BPI: variants seen among roughly 807,000 people sequenced by gnomAD.
The protein encoded by BPI is bactericidal permeability increasing protein, also known as bactericidal permeability-increasing protein.
BPI carries 48 observed loss-of-function variants against 57.6 expected under a neutral mutation model. The observed-to-expected ratio is 0.83, with a 90% CI of 0.66 to 1.06. The LOEUF (loss-of-function observed/expected upper bound fraction) is 1.06, where lower values mean the gene tolerates loss of function less well. Ranked by LOEUF, BPI falls within the 50% of genes least tolerant of loss-of-function variation. The probability of loss-of-function intolerance (pLI) is 0.00; values close to 1 mark genes in which losing one functional copy is unlikely to be tolerated. For missense variants in BPI, 651 were observed against 609.7 expected, an observed-to-expected ratio of 1.07 and a Z score of -0.71; for synonymous variants, 237 against 238.2, an observed-to-expected ratio of 0.99 and a Z score of 0.05.
intron 8 of BPI, 74 bp from the exon 9 acceptor site, chr20:38,324,700 C>A: frequency 7.9e-7 from 1 of 1,266,346 alleles, no homozygotes; most frequent in South Asian, 1.2e-5. Context: ...CCTCTCACCC[C>A]GATACAGAAC....
At chr20:38,322,360 T>C (rs2076690806) in intron 7 of BPI, among the ~76,000 whole-genome samples, 1 of 152,146 alleles carries the variant, frequency 6.6e-6, no homozygotes, top group Non-Finnish European at 1.5e-5. Flanking sequence ...ATTAAAACAA[T>C]AAGTAATTAT....
intron 13 of BPI, among the ~76,000 whole-genome samples, chr20:38,334,775 C>T (rs1394440957): frequency 6.6e-6 from 1 of 152,114 alleles, no homozygotes; most frequent in East Asian, 1.9e-4. Flanking sequence ...TGGCAGGAAG[C>T]GGAAGAACAG....
chr20:38,315,587 C>T (rs779663537), intron 5 of BPI, among the ~76,000 whole-genome samples: 4 of 152,202 alleles, frequency 2.6e-5, no homozygotes, highest in Non-Finnish European at 4.4e-5. Context: ...CCTCAGCTGC[C>T]AGCTGTGCTG....
intron 4 of BPI, among the ~76,000 whole-genome samples, chr20:38,311,486 G>C (rs1022085433): frequency 3.3e-5 from 5 of 152,218 alleles, no homozygotes; most frequent in African/African-American, 4.8e-5. Context: ...GAGATGAAAG[G>C]ATAAGTAGGC....
chr20:38,316,836 C>T lies in BPI; in HGVS notation c.601-1577C>T, dbSNP rs78270673. Among the ~76,000 whole-genome samples the T allele has an allele frequency of 9.8e-3, 1,493 of 152,188 alleles. 10 individuals carry two copies. The highest frequency in any genetic ancestry group is 0.014 in the Non-Finnish European group (978 of 68,002). On this transcript the variant is annotated intron_variant, in intron 5 of 14. Transcript: ENST00000642449. ...CACAGTCCAGAGAGTGTGGGTGAGGCGCTGCAGCATCTGCCACAGGGGCCA... is the reference window on the plus strand; with the variant it reads ...CACAGTCCAGAGAGTGTGGGTGAGGTGCTGCAGCATCTGCCACAGGGGCCA...
rs562453063 is a variant in BPI at position 38,305,771 on chromosome 20, A to G, written c.130+1418A>G. ...TGAAATGGGGGTAGTGACAGGACCT[A>G]CTTCCTAGGATTGTACAAATTCATA... On this transcript the variant is annotated intron_variant, in intron 1 of 14. Coordinates refer to ENST00000642449, the MANE Select transcript of BPI (RefSeq NM_001725.3). 1.8e-4 allele frequency among the ~76,000 whole-genome samples: 27 copies of G among 152,260 alleles called. 1 individual carries two copies. The South Asian group carries it at 5.4e-3, about 30-fold the overall frequency.
At chr20:38,307,352 G>A (rs2076601710) in intron 1 of BPI, among the ~76,000 whole-genome samples, 1 of 152,242 alleles carries the variant, frequency 6.6e-6, no homozygotes, top group African/African-American at 2.4e-5. Flanking sequence ...TAATGGCAGA[G>A]CTGAGTATTT....
intron 14 of BPI, 30 bp downstream of exon 14, chr20:38,335,704 C>T: frequency 1.2e-6 from 2 of 1,602,780 alleles, no homozygotes; most frequent in South Asian, 1.1e-5. Flanking sequence ...CCACAAATCT[C>T]CCCTAACGAT....
Position 38,331,089 on chromosome 20 carries a change from C to T in BPI, c.1271C>T (p.Pro424Leu), listed in dbSNP as rs375769120. Reference sequence around the variant, plus strand: ...AAGCACTCAAATATTGGCCCCTTCCCGGTGAGTCTGAGGCCCTTGGTGGCT... The same window carrying T: ...AAGCACTCAAATATTGGCCCCTTCCTGGTGAGTCTGAGGCCCTTGGTGGCT... Reference protein sequence around the residue: ...ELKHSNIGPFPVELLQDIMNY... With the variant: ...ELKHSNIGPFLVELLQDIMNY... Residue 424 changes from proline (P) to leucine (L), a missense_variant and splice_region_variant, in exon 12 of 15, where the codon CCG (proline) becomes CTG (leucine). Coordinates refer to ENST00000642449, the MANE Select transcript of BPI (RefSeq NM_001725.3). 1.7e-5 allele frequency: 27 copies of T among 1,613,992 alleles called. 1 individual carries two copies. Among genetic ancestry groups the T allele is most frequent in the East Asian group, 1.3e-4 (6 of 44,892 alleles).
intron 3 of BPI, among the ~76,000 whole-genome samples, chr20:38,310,018 T>C (rs2076614645): frequency 6.6e-6 from 1 of 152,198 alleles, no homozygotes; most frequent in Non-Finnish European, 1.5e-5. Flanking sequence ...CAAAAGAATG[T>C]CCACTGTCTC....
At chr20:38,327,776 T>A in intron 11 of BPI, 121 bp downstream of exon 11, 1 of 1,185,608 alleles carries the variant, frequency 8.4e-7, no homozygotes, top group Non-Finnish European at 1.2e-6. Context: ...CTCATCACAT[T>A]AAAACCTCAA....
chr20:38,314,922 G>C (rs111611239), intron 5 of BPI, among the ~76,000 whole-genome samples: 1 of 151,304 alleles, frequency 6.6e-6, no homozygotes, highest in African/African-American at 2.4e-5. Context: ...ATGGTGGTAA[G>C]TATACACCGA....
At chr20:38,327,051 C>T (rs896423112) in intron 10 of BPI, among the ~76,000 whole-genome samples, 21 of 152,198 alleles carry the variant, frequency 1.4e-4, no homozygotes, top group African/African-American at 4.6e-4. Context: ...CCTTTGATCA[C>T]TCCATCACTC....
intron 5 of BPI, among the ~76,000 whole-genome samples, chr20:38,314,537 A>G (rs1443215181): frequency 7.5e-3 from 306 of 40,666 alleles, no homozygotes; most frequent in African/African-American, 9.1e-3. Flanking sequence ...GGATGATGAT[A>G]ATGATGGTGA....
At position 38,324,966 on chromosome 20, in the gene BPI, T is replaced by G. The variant is rs1393132591; in HGVS notation, c.993+133T>G. ...CCAGAAACAACCCAGCATGAAAGGG[T>G]GGAAATAGCTTCATCCACAGAACAG... On this transcript the variant is annotated intron_variant, in intron 9 of 14. Coordinates refer to ENST00000642449, the MANE Select transcript of BPI (RefSeq NM_001725.3). The G allele has an allele frequency of 5.5e-6, 4 of 727,548 alleles. No homozygotes were observed. In the East Asian group the frequency reaches 1.0e-4, roughly 19 times the overall value. The allele number at this position is 727,548 out of a possible 1,614,324, so 45.1% of individuals were successfully genotyped here.
intron 3 of BPI, among the ~76,000 whole-genome samples, chr20:38,309,687 G>C (rs1055447799): frequency 3.9e-5 from 6 of 152,172 alleles, no homozygotes; most frequent in African/African-American, 1.4e-4. Flanking sequence ...CAATGGCAAG[G>C]GTATGAATGC....
At chr20:38,309,551 C>T (rs541150372) in intron 3 of BPI, among the ~76,000 whole-genome samples, 85 of 152,274 alleles carry the variant, frequency 5.6e-4, no homozygotes, top group African/African-American at 2.0e-3. Context: ...AAAGGGAAAG[C>T]AGGAACACAC....
chr20:38,310,800 C>T (rs568534730), intron 4 of BPI, 148 bp downstream of exon 4: 2 of 996,544 alleles, frequency 2.0e-6, no homozygotes, highest in Admixed American at 2.9e-5. Context: ...GCCAGGGGCC[C>T]ACAGATGAAC....
intron 10 of BPI, 182 bp downstream of exon 10, chr20:38,326,614 C>A: frequency 1.6e-6 from 1 of 615,372 alleles, no homozygotes; most frequent in Admixed American, 3.8e-5. Flanking sequence ...ATTCACCCAG[C>A]CATTCACTAG....
Sources: gnomAD v4.1 joint callset for allele counts (sites outside exome capture counted in the v4.1 genomes callset) on GRCh38, gnomAD v4.1.1 for gene constraint, MANE v1.5 for transcripts, NCBI Gene and HGNC (gene_info 2026-07-23, HGNC 2026-07-21) for gene names.